Variants in APP observed in about 807,000 individuals in gnomAD.
APP encodes amyloid-beta precursor protein.
Under a neutral mutation model 101.4 loss-of-function variants are expected in APP, and 31 were observed. The ratio of observed to expected loss-of-function variants is 0.31; its 90% confidence interval spans 0.23 to 0.41. APP has a LOEUF of 0.41. Among genes scored for constraint, APP ranks in the 10% least tolerant of loss-of-function variants. The probability of loss-of-function intolerance (pLI) is 1.00; values close to 1 mark genes in which losing one functional copy is unlikely to be tolerated. For synonymous variants in APP, 366 were observed against 364.4 expected, an observed-to-expected ratio of 1.00 and a Z score of -0.05; for missense variants, 839 against 1,003.7, an observed-to-expected ratio of 0.84 and a Z score of 2.22.
At chr21:26,130,935 AAT>A (rs2062780742) in intron 1 of APP, among the ~76,000 whole-genome samples, 1 of 152,198 alleles carries the variant, frequency 6.6e-6, no homozygotes, top group Admixed American at 6.5e-5. Flanking sequence ...GGGTAATATA[AAT>A]ATATGTTGTT....
chr21:26,055,296 C>T lies in APP; in HGVS notation c.356-1948G>A, dbSNP rs145485085. On this transcript the variant is annotated intron_variant, in intron 3 of 17. Coordinates refer to ENST00000346798, the MANE Select transcript of APP (RefSeq NM_000484.4). ...ATCTCCGCCAAGAAACCTAAGGCTA[C>T]CTAACTCAGGAGATTATAACCTAGC... 1.3e-3 allele frequency among the ~76,000 whole-genome samples: 200 copies of T among 152,130 alleles called. 1 individual carries two copies. The East Asian group carries it at 0.037, about 28-fold the overall frequency.
At chr21:25,960,200 C>CT (rs11443261) in intron 11 of APP, among the ~76,000 whole-genome samples, 152,129 of 152,270 alleles carry the variant, frequency 1, 75,994 homozygotes, top group Middle Eastern at 1. Flanking sequence ...TGATTAACTT[C>CT]TTTAATCCAT....
intron 5 of APP, among the ~76,000 whole-genome samples, chr21:26,023,741 T>G (rs1471883429): frequency 6.6e-6 from 1 of 152,230 alleles, no homozygotes; most frequent in Non-Finnish European, 1.5e-5. Flanking sequence ...CAGGTGCCTG[T>G]GGCAGTTTCT....
At chr21:26,137,525 G>T (rs1005026011) in intron 1 of APP, among the ~76,000 whole-genome samples, 2 of 152,210 alleles carry the variant, frequency 1.3e-5, no homozygotes, top group South Asian at 2.1e-4. Flanking sequence ...GTGGATCAAC[G>T]AGACGGAGGT....
chr21:26,090,487 G>A (rs1274915021), intron 2 of APP, among the ~76,000 whole-genome samples: 3 of 151,098 alleles, frequency 2.0e-5, no homozygotes, highest in African/African-American at 7.3e-5. Context: ...AAATGAACAA[G>A]CATCTAGCTA....
chr21:26,144,259 T>C (rs1366529990), intron 1 of APP, among the ~76,000 whole-genome samples: 2 of 152,148 alleles, frequency 1.3e-5, no homozygotes, highest in Non-Finnish European at 2.9e-5. Flanking sequence ...CAATTCAAGA[T>C]GAGATCCAGG....
chr21:26,014,604 G>A (rs141302275), intron 6 of APP, among the ~76,000 whole-genome samples: 1 of 152,278 alleles, frequency 6.6e-6, no homozygotes, highest in African/African-American at 2.4e-5. Context: ...TCCCTCTCAA[G>A]GACAATGCAG....
At position 25,901,695 on chromosome 21, in the gene APP, T is replaced by C. The variant is rs574307158; in HGVS notation, c.1963+3329A>G. Among the ~76,000 whole-genome samples the C allele has an allele frequency of 2.6e-5, 4 of 152,324 alleles. No homozygotes were observed. The East Asian group carries it at 7.7e-4, about 29-fold the overall frequency. ...GTTTGCAGGCTTACTTAGAGGTCTT[T>C]CTTGAGTTGTGCTGATTTCACCCTA... On this transcript the variant is annotated intron_variant, in intron 15 of 17. Coordinates refer to ENST00000346798, the MANE Select transcript of APP (RefSeq NM_000484.4).
At chr21:25,904,075 T>G (rs2038657415) in intron 15 of APP, among the ~76,000 whole-genome samples, 1 of 152,214 alleles carries the variant, frequency 6.6e-6, no homozygotes, top group Non-Finnish European at 1.5e-5. Context: ...GAAAGTTAAT[T>G]CCCTGTTCTT....
intron 13 of APP, among the ~76,000 whole-genome samples, chr21:25,949,997 A>G (rs1392351869): frequency 6.6e-6 from 1 of 152,216 alleles, no homozygotes; most frequent in Non-Finnish European, 1.5e-5. Context: ...TATCTTCACT[A>G]GCCCATATGC....
intron 6 of APP, among the ~76,000 whole-genome samples, chr21:26,014,268 TA>T (rs2043954825): frequency 6.6e-6 from 1 of 152,154 alleles, no homozygotes; most frequent in Non-Finnish European, 1.5e-5. Context: ...ATATTAATCA[TA>T]AGTAAAAATC....
At chr21:25,944,041 C>CG (rs386394486) in intron 13 of APP, among the ~76,000 whole-genome samples, 2 of 151,972 alleles carry the variant, frequency 1.3e-5, no homozygotes, top group African/African-American at 2.4e-5. Context: ...AATGCCCCCC[C>CG]CCAACCAAAA....
intron 3 of APP, among the ~76,000 whole-genome samples, chr21:26,077,940 A>G (rs913020636): frequency 6.6e-6 from 1 of 152,208 alleles, no homozygotes; most frequent in African/African-American, 2.4e-5. Flanking sequence ...ACTGAAACAA[A>G]TATTGAGAAC....
intron 6 of APP, chr21:26,009,907 C>T: frequency 5.8e-6 from 1 of 173,884 alleles, no homozygotes; most frequent in Non-Finnish European, 1.2e-5. Flanking sequence ...TTCCTTATAC[C>T]ACTTCTCTGT....
At chr21:26,152,148 G>A (rs1212010786) in intron 1 of APP, among the ~76,000 whole-genome samples, 3 of 151,820 alleles carry the variant, frequency 2.0e-5, no homozygotes, top group Non-Finnish European at 4.4e-5. Flanking sequence ...AGCCGGGCGT[G>A]GTGGCGGGCG....
chr21:25,936,890 T>C (rs1412816289), intron 13 of APP, among the ~76,000 whole-genome samples: 1 of 152,126 alleles, frequency 6.6e-6, no homozygotes, highest in Non-Finnish European at 1.5e-5. Context: ...TTTCTTTTTT[T>C]CCTGAAGGCA....
intron 1 of APP, among the ~76,000 whole-genome samples, chr21:26,152,212 G>A (rs955114674): frequency 1.2e-4 from 18 of 148,248 alleles, no homozygotes; most frequent in African/African-American, 4.5e-4. Context: ...GTGAACCCGG[G>A]AGGCGGAGCT....
chr21:26,132,751 C>T (rs2062820805), intron 1 of APP, among the ~76,000 whole-genome samples: 1 of 152,172 alleles, frequency 6.6e-6, no homozygotes, highest in African/African-American at 2.4e-5. Flanking sequence ...AATTATGTTA[C>T]AGACTATAGT....
intron 11 of APP, among the ~76,000 whole-genome samples, chr21:25,962,093 T>C (rs902233145): frequency 1.3e-5 from 2 of 152,208 alleles, no homozygotes; most frequent in Non-Finnish European, 2.9e-5. Flanking sequence ...GGACTAATTA[T>C]ACCGAATCCT....
Sources: allele counts gnomAD v4.1 joint callset (sites outside exome capture counted in the v4.1 genomes callset), GRCh38; gene constraint gnomAD v4.1.1; transcripts MANE v1.5; gene names NCBI Gene and HGNC (gene_info 2026-07-23, HGNC 2026-07-21).